Variants in FSTL5 observed in about 807,000 individuals in gnomAD.
FSTL5 encodes the protein follistatin-related protein 5.
Under a neutral mutation model 89.1 loss-of-function variants are expected in FSTL5, and 62 were observed. That is an observed-to-expected ratio of 0.70 (90% CI 0.57 to 0.86). FSTL5 has a LOEUF of 0.86. Among genes scored for constraint, FSTL5 ranks in the 40% least tolerant of loss-of-function variants. The pLI is 0.00. For synonymous variants in FSTL5, 383 were observed against 346.2 expected (o/e 1.11, Z -1.18); for missense variants, 1,057 against 1,001.6 (o/e 1.06, Z -0.75).
chr4:161,824,838 A>G (rs562316219), intron 4 of FSTL5, among the ~76,000 whole-genome samples: 13 of 152,258 alleles, frequency 8.5e-5, no homozygotes, highest in East Asian at 1.9e-4. Context: ...AGCTTTTTGC[A>G]TGAGTCTTTA....
At chr4:161,802,137 T>C (rs1450814617) in intron 4 of FSTL5, among the ~76,000 whole-genome samples, 3 of 151,740 alleles carry the variant, frequency 2.0e-5, no homozygotes, top group African/African-American at 7.2e-5. Flanking sequence ...ATGGATTATC[T>C]GAATTTTCCT....
chr4:161,504,916 T>C (rs776804761), intron 11 of FSTL5, among the ~76,000 whole-genome samples: 1 of 152,042 alleles, frequency 6.6e-6, no homozygotes, highest in African/African-American at 2.4e-5. Context: ...ATTGGATGCA[T>C]GTTTATGTGC....
intron 6 of FSTL5, among the ~76,000 whole-genome samples, chr4:161,659,599 C>T (rs1170174913): frequency 6.6e-6 from 1 of 152,072 alleles, no homozygotes; most frequent in Non-Finnish European, 1.5e-5. Context: ...TTTATAGATA[C>T]ATGATCATTA....
At chr4:161,925,320 G>C (rs1200212175) in intron 3 of FSTL5, among the ~76,000 whole-genome samples, 1 of 151,822 alleles carries the variant, frequency 6.6e-6, no homozygotes, top group Non-Finnish European at 1.5e-5. Context: ...TTTTGACTTT[G>C]ACTTTCTAAA....
chr4:162,009,871 C>T (rs1210638746), intron 3 of FSTL5, among the ~76,000 whole-genome samples: 1 of 151,592 alleles, frequency 6.6e-6, no homozygotes, highest in Admixed American at 6.6e-5. Context: ...TAGCACCAAG[C>T]TATAAAGATG....
intron 2 of FSTL5, among the ~76,000 whole-genome samples, chr4:162,075,217 G>T (rs1729789169): frequency 6.6e-6 from 1 of 151,724 alleles, no homozygotes; most frequent in African/African-American, 2.4e-5. Flanking sequence ...TCAACCCCTT[G>T]TCCATTCTGT....
At chr4:161,548,787 T>C (rs1278177223) in intron 8 of FSTL5, among the ~76,000 whole-genome samples, 22 of 151,826 alleles carry the variant, frequency 1.4e-4, no homozygotes. Flanking sequence ...TCAGGAATTA[T>C]GCAATGATGG....
intron 2 of FSTL5, 33 bp from the exon 3 acceptor site, chr4:162,033,691 G>A: frequency 8.0e-7 from 1 of 1,256,968 alleles, no homozygotes; most frequent in Non-Finnish European, 1.1e-6. Flanking sequence ...GTCAAAATAT[G>A]TAAGTAAATA....
intron 4 of FSTL5, among the ~76,000 whole-genome samples, chr4:161,788,319 A>G (rs1741984843): frequency 6.6e-6 from 1 of 152,152 alleles, no homozygotes; most frequent in Non-Finnish European, 1.5e-5. Flanking sequence ...ATTGCTGACT[A>G]TGGTTACCTT....
chr4:161,846,786 A>G (rs1348785098), intron 4 of FSTL5, among the ~76,000 whole-genome samples: 2 of 152,204 alleles, frequency 1.3e-5, no homozygotes, highest in Non-Finnish European at 2.9e-5. Context: ...TATCTGCTCC[A>G]GGACCATTAC....
In FSTL5 at chr4:161,863,233, G is replaced by T. The variant is rs115007948; in HGVS notation, c.409+57171C>A. 2.1e-3 allele frequency among the ~76,000 whole-genome samples: 324 copies of T among 152,326 alleles called. 1 individual carries two copies. Among genetic ancestry groups the T allele is most frequent in the African/African-American group, 7.1e-3 (295 of 41,576 alleles). On this transcript the variant is annotated intron_variant, in intron 4 of 15. Transcript: ENST00000306100. ...TAGAGATAGGCAAATGATCTTGTTA[G>T]ATGTAAACAGTGTATAATCATGATG...
intron 14 of FSTL5, among the ~76,000 whole-genome samples, chr4:161,457,304 CTTTA>C (rs761160531): frequency 7.2e-5 from 11 of 152,170 alleles, no homozygotes; most frequent in African/African-American, 1.2e-4. Flanking sequence ...AATTCCTACA[CTTTA>C]TTTTATATTT....
intron 4 of FSTL5, among the ~76,000 whole-genome samples, chr4:161,911,160 T>C (rs569517669): frequency 2.4e-4 from 37 of 152,278 alleles, no homozygotes; most frequent in African/African-American, 8.9e-4. Context: ...ATTATTGATT[T>C]ATGTTAGAAA....
At position 161,488,909 on chromosome 4, in the gene FSTL5, T is replaced by C. The variant is rs150216395; in HGVS notation, c.1459-7740A>G. ...TGCATATAGGGCAAGGAGAATTTTA[T>C]TCTCTCTATCTGGCGTTTGGCAGTC... is the stretch of plus-strand genomic sequence containing the variant. On this transcript the variant is annotated intron_variant, in intron 12 of 15. Coordinates refer to ENST00000306100, the MANE Select transcript of FSTL5 (RefSeq NM_020116.5). Among the ~76,000 whole-genome samples, 42 of 152,262 alleles carry C rather than the reference T, an allele frequency of 2.8e-4. 2 individuals carry two copies. Among genetic ancestry groups the C allele is most frequent in the East Asian group, 2.7e-3 (14 of 5,178 alleles).
At chr4:161,551,197 C>T (rs1460734421) in intron 8 of FSTL5, among the ~76,000 whole-genome samples, 1 of 149,744 alleles carries the variant, frequency 6.7e-6, no homozygotes, top group Non-Finnish European at 1.5e-5. Context: ...TACAGTCCCA[C>T]CAACAGTGTA....
In FSTL5 at chr4:161,915,289, C is replaced by A. The variant is rs566902769; in HGVS notation, c.409+5115G>T. Among the ~76,000 whole-genome samples, 5 of 151,702 alleles carry A rather than the reference C, an allele frequency of 3.3e-5. No homozygotes were observed. The South Asian group carries it at 6.3e-4, about 19-fold the overall frequency. Reference sequence around the variant, plus strand: ...TGGCATTCTCTGTATCTCTTCCCCCCATCATCCCCCTCCCCCTCTCCCTAC... The same window carrying A: ...TGGCATTCTCTGTATCTCTTCCCCCAATCATCCCCCTCCCCCTCTCCCTAC... On this transcript the variant is annotated intron_variant, in intron 4 of 15. Coordinates refer to ENST00000306100, the MANE Select transcript of FSTL5 (RefSeq NM_020116.5).
intron 3 of FSTL5, among the ~76,000 whole-genome samples, chr4:161,942,720 T>C (rs1215308287): frequency 2.0e-5 from 3 of 152,274 alleles, no homozygotes; most frequent in African/African-American, 7.2e-5. Flanking sequence ...TTTATGAATA[T>C]AGATGCAAAA....
At chr4:161,678,952 T>C (rs1407181780) in intron 6 of FSTL5, among the ~76,000 whole-genome samples, 3 of 151,650 alleles carry the variant, frequency 2.0e-5, no homozygotes, top group Admixed American at 2.0e-4. Context: ...AAACAAACAA[T>C]GGTAAGTATA....
intron 3 of FSTL5, among the ~76,000 whole-genome samples, chr4:162,011,806 C>T (rs1204175839): frequency 1.3e-5 from 2 of 151,956 alleles, no homozygotes; most frequent in South Asian, 2.1e-4. Context: ...CATCAGTTTA[C>T]TCTGTTAACC....
Sources: allele counts gnomAD v4.1 joint callset (sites outside exome capture counted in the v4.1 genomes callset), GRCh38; gene constraint gnomAD v4.1.1; transcripts MANE v1.5; gene names NCBI Gene and HGNC (gene_info 2026-07-23, HGNC 2026-07-21).